Variants in SEM1 observed in about 807,000 individuals in gnomAD.
SEM1 encodes the protein SEM1 26S proteasome subunit.
SEM1 carries 3 observed loss-of-function variants against 12.7 expected under a neutral mutation model. The observed-to-expected ratio is 0.24, with a 90% CI of 0.11 to 0.61. The LOEUF (loss-of-function observed/expected upper bound fraction) is 0.61, where lower values mean the gene tolerates loss of function less well. SEM1 is among the 20% of genes least tolerant of loss of function. The pLI is 0.88. For synonymous variants in SEM1, 30 were observed against 27.8 expected (o/e 1.08, Z -0.25); for missense variants, 59 against 81.3 (o/e 0.73, Z 1.06).
intron 2 of SEM1, among the ~76,000 whole-genome samples, chr7:96,596,766 C>A (rs554869176): frequency 6.6e-6 from 1 of 152,292 alleles, no homozygotes; most frequent in African/African-American, 2.4e-5. Context: ...CTTTCTTTCT[C>A]TCTCTTTTTT....
At chr7:96,507,750 CTT>C (rs959355510) in intron 2 of SEM1, among the ~76,000 whole-genome samples, 38 of 152,056 alleles carry the variant, frequency 2.5e-4, no homozygotes, top group African/African-American at 8.5e-4. Context: ...CTGGGCATCT[CTT>C]TGATGAAAGT....
intron 2 of SEM1, among the ~76,000 whole-genome samples, chr7:96,541,443 G>GTTTTTTTT (rs61049763): frequency 5.9e-5 from 6 of 102,390 alleles, no homozygotes; most frequent in Non-Finnish European, 9.7e-5. Flanking sequence ...TTTTTTTTTT[G>GTTTTTTTT]TTTTTTTTTT....
intron 2 of SEM1, among the ~76,000 whole-genome samples, chr7:96,633,582 A>G (rs1808337995): frequency 6.6e-6 from 1 of 152,178 alleles, no homozygotes. Context: ...TATAATATAA[A>G]GCATTATATA....
At chr7:96,594,356 T>G (rs746924829) in intron 2 of SEM1, among the ~76,000 whole-genome samples, 7 of 152,104 alleles carry the variant, frequency 4.6e-5, no homozygotes, top group Non-Finnish European at 1.0e-4. Flanking sequence ...TCCCACTCTA[T>G]TCCCCATCCC....
intron 2 of SEM1, among the ~76,000 whole-genome samples, chr7:96,652,759 T>C (rs985493737): frequency 3.9e-5 from 6 of 152,202 alleles, no homozygotes; most frequent in Non-Finnish European, 5.9e-5. Context: ...AAATGAAAAG[T>C]TAATTGTGTG....
intron 1 of SEM1, 67 bp downstream of exon 1, chr7:96,709,613 GAGCACCCA>G: frequency 7.0e-7 from 1 of 1,427,714 alleles, no homozygotes; most frequent in Non-Finnish European, 9.8e-7. Flanking sequence ...AGCTGGGCCC[GAGCACCCA>G]AGCTACCTCC....
intron 1 of SEM1, among the ~76,000 whole-genome samples, chr7:96,700,138 C>T (rs982119657): frequency 1.3e-5 from 2 of 152,134 alleles, no homozygotes; most frequent in Non-Finnish European, 2.9e-5. Flanking sequence ...TCTCTCTGTA[C>T]TTTTCAGTAC....
chr7:96,613,625 T>C (rs1461787059), intron 2 of SEM1, among the ~76,000 whole-genome samples: 2 of 152,206 alleles, frequency 1.3e-5, no homozygotes, highest in African/African-American at 4.8e-5. Context: ...TGTTCTGCAA[T>C]AAATCACCAG....
rs67174798 is a variant in SEM1 at position 96,703,972 on chromosome 7, A to AACACACACACAC, written c.76+5704_76+5715dup. 5.5e-3 allele frequency among the ~76,000 whole-genome samples: 782 copies of AACACACACACAC among 142,142 alleles called. 4 individuals are homozygous for AACACACACACAC. Among genetic ancestry groups the AACACACACACAC allele is most frequent in the African/African-American group, 0.012 (460 of 37,446 alleles). 93.3% of individuals were successfully genotyped at this position (142,142 alleles called of 152,430 possible). A position where few individuals can be genotyped will look rare whatever the true frequency, so the allele number is the denominator to read the frequency against. On this transcript the variant is annotated intron_variant, in intron 1 of 2. Transcript: ENST00000248566. The stretch of plus-strand genomic sequence containing the variant: ...CCAGAGCAAGACCTTGTCTCTTAAA[A>AACACACACACAC]ACACACACACACACACACACACACA...
intron 2 of SEM1, among the ~76,000 whole-genome samples, chr7:96,601,849 A>G (rs1807208733): frequency 6.6e-6 from 1 of 152,184 alleles, no homozygotes; most frequent in Non-Finnish European, 1.5e-5. Flanking sequence ...GATGCTGGAT[A>G]GGGAGGTACC....
chr7:96,652,639 C>G (rs1176806709), intron 2 of SEM1, among the ~76,000 whole-genome samples: 1 of 151,778 alleles, frequency 6.6e-6, no homozygotes, highest in Non-Finnish European at 1.5e-5. Flanking sequence ...ATTTAAAACC[C>G]CAAAGAAATC....
At chr7:96,650,352 A>G in intron 2 of SEM1, 1 of 554,148 alleles carries the variant, frequency 1.8e-6, no homozygotes, top group Admixed American at 3.3e-5. Flanking sequence ...AGTTGATGAG[A>G]AGACAGGATT....
chr7:96,597,707 A>C (rs1036361819), intron 2 of SEM1, among the ~76,000 whole-genome samples: 2 of 151,406 alleles, frequency 1.3e-5, no homozygotes, highest in South Asian at 4.2e-4. Context: ...ACACACACAC[A>C]CCACATACAC....
At chr7:96,483,901 C>T (rs1364057331) in exon 4 of SEM1, 7 of 1,536,502 alleles carry the variant, frequency 4.6e-6, no homozygotes, top group Middle Eastern at 1.7e-4. Flanking sequence ...AGAGGTCACC[C>T]GAATGGCAGC....
At chr7:96,685,482 T>C (rs1484294774), downstream of SEM1, among the ~76,000 whole-genome samples, 1 of 152,138 alleles carries the variant, frequency 6.6e-6, no homozygotes, top group Non-Finnish European at 1.5e-5. Context: ...GGAGCATTTA[T>C]GTAAGACTAT....
chr7:96,533,403 C>T (rs1288459236), intron 2 of SEM1, among the ~76,000 whole-genome samples: 2 of 152,006 alleles, frequency 1.3e-5, no homozygotes, highest in East Asian at 1.9e-4. Flanking sequence ...GAAGAGTCAC[C>T]CGCAAAATTG....
At chr7:96,700,967 T>A (rs1328024314) in intron 1 of SEM1, among the ~76,000 whole-genome samples, 1 of 152,196 alleles carries the variant, frequency 6.6e-6, no homozygotes, top group Non-Finnish European at 1.5e-5. Context: ...GCAATTTTTT[T>A]AAATTTACAA....
chr7:96,667,509 G>A (rs1311512351), intron 2 of SEM1, among the ~76,000 whole-genome samples: 1 of 152,116 alleles, frequency 6.6e-6, no homozygotes, highest in Non-Finnish European at 1.5e-5. Flanking sequence ...CAGTAACAAA[G>A]CTATTGTCAA....
At chr7:96,591,316 G>T (rs545961725) in intron 2 of SEM1, among the ~76,000 whole-genome samples, 8 of 152,172 alleles carry the variant, frequency 5.3e-5, no homozygotes, top group Admixed American at 1.3e-4. Context: ...AAAGACTTTC[G>T]GTTAACTTCT....
Sources: gnomAD v4.1 joint callset for allele counts (sites outside exome capture counted in the v4.1 genomes callset) on GRCh38, gnomAD v4.1.1 for gene constraint, MANE v1.5 for transcripts, NCBI Gene and HGNC (gene_info 2026-07-23, HGNC 2026-07-21) for gene names.